The following KANK1 variants were observed in gnomAD, a reference collection of about 807,000 sequenced individuals.
KANK1 encodes the protein KN motif and ankyrin repeat domains 1, also known as KN motif and ankyrin repeat domain-containing protein 1.
In KANK1, 109 loss-of-function variants were observed where a neutral mutation model predicts 106.2. The observed-to-expected ratio is 1.03, with a 90% CI of 0.88 to 1.20. The LOEUF (loss-of-function observed/expected upper bound fraction) is 1.20. Among genes scored for constraint, KANK1 ranks in the 50% most tolerant of loss-of-function variants. KANK1 has a pLI of 0.00. For missense variants in KANK1, 2,399 were observed against 1,710.7 expected, an observed-to-expected ratio of 1.40 and a Z score of -7.10; for synonymous variants, 873 against 652.2, an observed-to-expected ratio of 1.34 and a Z score of -5.16.
intron 1 of KANK1, among the ~76,000 whole-genome samples, chr9:593,756 A>C (rs1180673953): frequency 6.6e-6 from 1 of 151,860 alleles, no homozygotes. Context: ...GAGACTCCAA[A>C]GGGACAGAAG....
rs200846414 is a variant in KANK1, at chr9:711,079, A to G, written c.313A>G (p.Asn105Asp). ...SNSDDNKQCP[N>D]FLIARSQVTS... is the part of the protein sequence containing the mutation. ...CAGTGATGACAACAAGCAGTGCCCCAACTTCCTCATAGCCAGAAGTCAAGT... is the reference window on the plus strand; with the variant it reads ...CAGTGATGACAACAAGCAGTGCCCCGACTTCCTCATAGCCAGAAGTCAAGT... Residue 105 changes from asparagine to aspartate, a missense_variant, in exon 3 of 12, where the codon AAC (asparagine) becomes GAC (aspartate). Coordinates refer to ENST00000382297, the MANE Select transcript of KANK1 (RefSeq NM_015158.5). The G allele has an allele frequency of 5.0e-6, 8 of 1,614,032 alleles. No homozygotes were observed. Among genetic ancestry groups the G allele is most frequent in the African/African-American group, 2.7e-5 (2 of 74,910 alleles).
At chr9:539,241 G>A (rs925130981) in intron 1 of KANK1, among the ~76,000 whole-genome samples, 1 of 152,094 alleles carries the variant, frequency 6.6e-6, no homozygotes, top group Non-Finnish European at 1.5e-5. Flanking sequence ...TTGGCTGTTT[G>A]GGGCATTTTG....
At chr9:659,628 T>G (rs549873658) in intron 1 of KANK1, among the ~76,000 whole-genome samples, 58 of 152,066 alleles carry the variant, frequency 3.8e-4, no homozygotes, top group African/African-American at 1.4e-3. Context: ...CTGGGAAGCG[T>G]CAGGAAACTT....
chr9:669,356 C>G (rs1439916720), intron 1 of KANK1, among the ~76,000 whole-genome samples: 2 of 152,058 alleles, frequency 1.3e-5, no homozygotes, highest in Non-Finnish European at 2.9e-5. Context: ...TTTTTCATTT[C>G]AGATTGAAGA....
In KANK1 at chr9:531,819, A is replaced by G. The variant is rs76880514; in HGVS notation, c.-84+27065A>G. Among the ~76,000 whole-genome samples the G allele has an allele frequency of 3.7e-3, 558 of 152,290 alleles. 1 individual carries two copies. Among genetic ancestry groups the G allele is most frequent in the African/African-American group, 0.012 (502 of 41,554 alleles). ...TCACTGTTACTCTGAAATAGCCCAT[A>G]TATCGGGAAAAAATGTGGCTGCTTC... On this transcript the variant is annotated intron_variant, in intron 1 of 11. Coordinates refer to ENST00000382297, the MANE Select transcript of KANK1 (RefSeq NM_015158.5).
chr9:623,246 C>G (rs1423013334), intron 1 of KANK1, among the ~76,000 whole-genome samples: 2 of 151,800 alleles, frequency 1.3e-5, no homozygotes, highest in Non-Finnish European at 2.9e-5. Flanking sequence ...GGGCAAAGGA[C>G]CTTAATAGAC....
chr9:737,356 C>T (rs755488473), intron 7 of KANK1, among the ~76,000 whole-genome samples: 16 of 152,214 alleles, frequency 1.1e-4, no homozygotes, highest in Non-Finnish European at 1.8e-4. Context: ...AAGAGGACTT[C>T]TTGGGTTCTG....
chr9:550,804 A>T (rs1203584002), intron 1 of KANK1, among the ~76,000 whole-genome samples: 1 of 152,062 alleles, frequency 6.6e-6, no homozygotes, highest in Admixed American at 6.6e-5. Context: ...TAACAATTTC[A>T]TTTCATCCTA....
At chr9:603,724 G>A (rs890114063) in intron 1 of KANK1, among the ~76,000 whole-genome samples, 10 of 151,646 alleles carry the variant, frequency 6.6e-5, no homozygotes, top group Non-Finnish European at 1.3e-4. Flanking sequence ...GGGAGGTCGA[G>A]GCGGGCGGAT....
At chr9:530,333 C>G (rs1289376808) in intron 1 of KANK1, among the ~76,000 whole-genome samples, 4 of 152,086 alleles carry the variant, frequency 2.6e-5, no homozygotes, top group African/African-American at 7.2e-5. Context: ...TCCAGGGTTT[C>G]TTTTGGTACT....
In KANK1 at chr9:626,080, A is replaced by G. The variant is rs142032560; in HGVS notation, c.-83-50810A>G. On this transcript the variant is annotated intron_variant, in intron 1 of 11. Coordinates refer to ENST00000382297, the MANE Select transcript of KANK1 (RefSeq NM_015158.5). ...CAGGAGAGGAGCTATCCCAGCTTCAATTCCTCATCAATAAGGTACAGAAAA... is the reference window on the plus strand; with the variant it reads ...CAGGAGAGGAGCTATCCCAGCTTCAGTTCCTCATCAATAAGGTACAGAAAA... Among the ~76,000 whole-genome samples, 3 of 152,292 alleles carry G rather than the reference A, an allele frequency of 2.0e-5. No individual in the cohort carries two copies. In the East Asian group the frequency reaches 5.8e-4, roughly 29 times the overall value.
rs374114376 is a variant in KANK1 at position 623,986 on chromosome 9, TTTATC to T, written c.-83-52900_-83-52896del. On this transcript the variant is annotated intron_variant, in intron 1 of 11. Transcript: ENST00000382297. ...AGATATGGAAACAACCCAAGTGCCA[TTTATC>T]TTAGGAATGGTTAAAGAAAATGTGG... Among the ~76,000 whole-genome samples, 317 of 152,296 alleles carry T rather than the reference TTTATC, an allele frequency of 2.1e-3. 2 individuals are homozygous for T. Among genetic ancestry groups the T allele is most frequent in the African/African-American group, 7.3e-3 (302 of 41,554 alleles).
chr9:535,393 C>A (rs1350390952), intron 1 of KANK1, among the ~76,000 whole-genome samples: 1 of 152,142 alleles, frequency 6.6e-6, no homozygotes, highest in Non-Finnish European at 1.5e-5. Context: ...GGATCTATTC[C>A]TGCCCACACT....
chr9:522,732 T>G (rs1587482427), intron 1 of KANK1, among the ~76,000 whole-genome samples: 1 of 151,686 alleles, frequency 6.6e-6, no homozygotes, highest in Non-Finnish European at 1.5e-5. Flanking sequence ...TGGTATCTCA[T>G]AGAATTCTGT....
chr9:708,471 A>G (rs1053287491), intron 2 of KANK1, among the ~76,000 whole-genome samples: 2 of 152,230 alleles, frequency 1.3e-5, no homozygotes, highest in Non-Finnish European at 2.9e-5. Context: ...TTCACATAGA[A>G]TTCACTTCCC....
rs772358909 is a variant in KANK1, at chr9:711,529, G to A, written c.763G>A (p.Val255Met). ...AGGGATCTCCACCCCAGTGACCAAC[G>A]TGAGCCCCATGCACCTGCAGCACAT... ...SSGISTPVTN[V>M]SPMHLQHIRE... The change falls in exon 3 of 12, where the codon GTG becomes ATG. Residue 255 changes from valine to methionine, a missense_variant. Transcript: ENST00000382297. The A allele has an allele frequency of 4.3e-6, 7 of 1,613,794 alleles. No individual in the cohort carries two copies. In the South Asian group the frequency reaches 4.4e-5, roughly 10 times the overall value.
Position 676,960 on chromosome 9 carries a change from G to T in KANK1, c.-13G>T. Reference sequence around the variant, plus strand: ...TCACTCCTTTCTGGATCTCTCATTGGACTCAAGCCAGCATGGCTCACACCA... The same window carrying T: ...TCACTCCTTTCTGGATCTCTCATTGTACTCAAGCCAGCATGGCTCACACCA... On this transcript the variant is annotated 5_prime_UTR_variant, in exon 2 of 12. Transcript: ENST00000382297. 6.2e-7 allele frequency: 1 copy of T among 1,613,036 alleles called. No homozygotes were observed. Among genetic ancestry groups the T allele is most frequent in the South Asian group, 1.1e-5 (1 of 90,862 alleles).
intron 1 of KANK1, among the ~76,000 whole-genome samples, chr9:573,172 G>T (rs1284868559): frequency 1.3e-5 from 2 of 152,120 alleles, no homozygotes; most frequent in Non-Finnish European, 2.9e-5. Context: ...TATAATCAGA[G>T]AATAAAGTAT....
intron 9 of KANK1, among the ~76,000 whole-genome samples, chr9:741,808 A>G (rs1835647211): frequency 6.6e-6 from 1 of 150,936 alleles, no homozygotes; most frequent in African/African-American, 2.4e-5. Context: ...TTAAGTAGAG[A>G]TGGGGTTTCA....
Sources: allele counts gnomAD v4.1 joint callset (sites outside exome capture counted in the v4.1 genomes callset), GRCh38; gene constraint gnomAD v4.1.1; transcripts MANE v1.5; gene names NCBI Gene and HGNC (gene_info 2026-07-23, HGNC 2026-07-21).